The following CDH8 variants were observed in gnomAD, a reference collection of about 807,000 sequenced individuals.
The protein encoded by CDH8 is cadherin-8.
CDH8 carries 17 observed loss-of-function variants against 68.1 expected under a neutral mutation model. The ratio of observed to expected loss-of-function variants is 0.25; its 90% CI spans 0.17 to 0.37. The LOEUF is 0.37. Ranked by LOEUF, CDH8 falls within the 10% of genes least tolerant of loss-of-function variation. The pLI, the probability that CDH8 is intolerant of heterozygous loss-of-function variation, is 1.00. For synonymous variants in CDH8, 372 were observed against 365.1 expected (o/e 1.02, Z -0.21); for missense variants, 763 against 999.3 (o/e 0.76, Z 3.19).
intron 1 of CDH8, among the ~76,000 whole-genome samples, chr16:62,033,664 A>T (rs1902381554): frequency 6.6e-6 from 1 of 152,250 alleles, no homozygotes; most frequent in Non-Finnish European, 1.5e-5. Context: ...AGAGCACATT[A>T]GCCAGTGTCT....
At chr16:61,710,813 A>G (rs928760642) in intron 10 of CDH8, 4 of 152,012 alleles carry the variant, frequency 2.6e-5, no homozygotes, top group African/African-American at 7.2e-5. Flanking sequence ...TCCTGCAAAC[A>G]AGATATTTTA....
intron 2 of CDH8, among the ~76,000 whole-genome samples, chr16:61,948,023 A>T (rs1195799894): frequency 6.6e-6 from 1 of 152,158 alleles, no homozygotes; most frequent in Non-Finnish European, 1.5e-5. Context: ...TGGACTAGTT[A>T]TCCAATACCC....
chr16:62,017,158 C>A (rs577586864), intron 2 of CDH8, among the ~76,000 whole-genome samples: 1 of 152,192 alleles, frequency 6.6e-6, no homozygotes, highest in East Asian at 1.9e-4. Flanking sequence ...TATATGCAGG[C>A]AGGGTTCTAG....
intron 8 of CDH8, among the ~76,000 whole-genome samples, chr16:61,787,943 G>GT (rs1961270177): frequency 7.9e-6 from 1 of 126,550 alleles, no homozygotes; most frequent in African/African-American, 3.1e-5. Flanking sequence ...GACTGTGGTG[G>GT]GGGGGGCGGG....
At chr16:62,019,849 A>C (rs2150611577) in intron 2 of CDH8, among the ~76,000 whole-genome samples, 1 of 152,268 alleles carries the variant, frequency 6.6e-6, no homozygotes, top group African/African-American at 2.4e-5. Flanking sequence ...GTGCCCACAA[A>C]ATGCTTTTAT....
At position 61,650,572 on chromosome 16, in the gene CDH8, T is replaced by C. The variant is rs898660393; in HGVS notation, c.*3036A>G. 1 of 152,052 alleles carries C rather than the reference T, an allele frequency of 6.6e-6. No homozygotes were observed. 9.4% of individuals were successfully genotyped at this position (152,052 alleles called of 1,614,324 possible). The stretch of plus-strand genomic sequence containing the variant: ...CATGGGATACTTAAATCTTAGAAAA[T>C]GTTAGGAACCTTATTGATATCTTTT... On this transcript the variant is annotated 3_prime_UTR_variant, in exon 12 of 12. Transcript: ENST00000577390.
intron 10 of CDH8, among the ~76,000 whole-genome samples, chr16:61,698,749 T>A (rs1964371627): frequency 6.6e-6 from 1 of 152,190 alleles, no homozygotes; most frequent in Non-Finnish European, 1.5e-5. Context: ...ACTTCTTGAG[T>A]TACACTGAAT....
chr16:61,697,223 A>G (rs1388152826), intron 10 of CDH8, among the ~76,000 whole-genome samples: 1 of 152,128 alleles, frequency 6.6e-6, no homozygotes, highest in African/African-American at 2.4e-5. Context: ...TGGGATTATT[A>G]TCTTGTCAAT....
At chr16:61,750,646 A>C (rs1960136944) in intron 8 of CDH8, among the ~76,000 whole-genome samples, 1 of 152,108 alleles carries the variant, frequency 6.6e-6, no homozygotes, top group Non-Finnish European at 1.5e-5. Context: ...CAACTAAATT[A>C]TTAATCTTTG....
chr16:61,835,747 T>C (rs1026307794), intron 4 of CDH8, among the ~76,000 whole-genome samples: 3 of 151,948 alleles, frequency 2.0e-5, no homozygotes, highest in Admixed American at 6.6e-5. Context: ...CAATAACTAA[T>C]TACACGTATA....
chr16:61,716,693 T>C (rs1224375368), intron 9 of CDH8, among the ~76,000 whole-genome samples: 1 of 151,684 alleles, frequency 6.6e-6, no homozygotes, highest in Admixed American at 6.6e-5. Context: ...GCTGAACTGG[T>C]GAATTATTAC....
At chr16:61,660,621 G>C (rs895130960) in intron 10 of CDH8, among the ~76,000 whole-genome samples, 8 of 151,842 alleles carry the variant, frequency 5.3e-5, no homozygotes, top group African/African-American at 1.9e-4. Context: ...CAAACACAAA[G>C]ATATTCATAA....
intron 3 of CDH8, among the ~76,000 whole-genome samples, chr16:61,887,443 G>A (rs1963695303): frequency 6.6e-6 from 1 of 152,184 alleles, no homozygotes; most frequent in African/African-American, 2.4e-5. Flanking sequence ...GGAAGTCCAA[G>A]GTCAAGATGC....
chr16:61,671,114 A>C (rs529521866), intron 10 of CDH8, among the ~76,000 whole-genome samples: 1 of 152,194 alleles, frequency 6.6e-6, no homozygotes, highest in East Asian at 1.9e-4. Flanking sequence ...CAAGTGAAAA[A>C]AAAATCCTGC....
chr16:61,843,373 C>T (rs1371731229), intron 4 of CDH8, among the ~76,000 whole-genome samples: 8 of 152,090 alleles, frequency 5.3e-5, no homozygotes, highest in Admixed American at 3.9e-4. Flanking sequence ...ATGTATGGGT[C>T]GCTTTAAATA....
In CDH8 at chr16:61,727,625, T is replaced by C. The variant is rs532534254; in HGVS notation, c.1415-410A>G. ...TGCTTGACTGGCTGTATAATAGAGA[T>C]GAACACTTAAAACCTAGCAAAAGGC... On this transcript the variant is annotated intron_variant, in intron 8 of 11. Coordinates refer to ENST00000577390, the MANE Select transcript of CDH8 (RefSeq NM_001796.5). Among the ~76,000 whole-genome samples, 56 of 151,116 alleles carry C rather than the reference T, an allele frequency of 3.7e-4. 1 individual carries two copies. Among genetic ancestry groups the C allele is most frequent in the Admixed American group, 8.0e-4 (12 of 15,082 alleles).
intron 3 of CDH8, among the ~76,000 whole-genome samples, chr16:61,863,272 T>C (rs1963187694): frequency 6.6e-6 from 1 of 152,174 alleles, no homozygotes; most frequent in African/African-American, 2.4e-5. Context: ...CATGTGCCTC[T>C]TGCCACACCT....
intron 3 of CDH8, among the ~76,000 whole-genome samples, chr16:61,863,539 A>G (rs944782754): frequency 6.6e-6 from 1 of 152,122 alleles, no homozygotes; most frequent in Non-Finnish European, 1.5e-5. Context: ...AGAAAGAAAA[A>G]TGCTGGTGCT....
At chr16:61,965,206 AT>A (rs1181659724) in intron 2 of CDH8, among the ~76,000 whole-genome samples, 1 of 152,212 alleles carries the variant, frequency 6.6e-6, no homozygotes, top group Non-Finnish European at 1.5e-5. Flanking sequence ...ATTTATGACC[AT>A]TTCATCTAAC....
Sources: gnomAD v4.1 joint callset for allele counts (sites outside exome capture counted in the v4.1 genomes callset) on GRCh38, gnomAD v4.1.1 for gene constraint, MANE v1.5 for transcripts, NCBI Gene and HGNC (gene_info 2026-07-23, HGNC 2026-07-21) for gene names.